GCNT1: variants seen among roughly 807,000 people sequenced by gnomAD.
GCNT1 encodes the protein glucosaminyl (N-acetyl) transferase 1.
A neutral mutation model predicts 26.2 loss-of-function variants in GCNT1; 16 were observed. The observed-to-expected ratio is 0.61, with a 90% CI of 0.41 to 0.93. GCNT1 has a LOEUF of 0.93. GCNT1 is among the 40% of genes least tolerant of loss of function. The pLI, the probability that GCNT1 is intolerant of heterozygous loss-of-function variation, is 0.00. For missense variants in GCNT1, 477 were observed against 526.7 expected (o/e 0.91, Z 0.92); for synonymous variants, 183 against 190.8 (o/e 0.96, Z 0.34).
intron 1 of GCNT1, among the ~76,000 whole-genome samples, chr9:76,443,239 G>A (rs571854186): frequency 1.8e-4 from 27 of 152,292 alleles, no homozygotes; most frequent in African/African-American, 6.5e-4. Context: ...AGTGGTGCTA[G>A]AGGAATTAAA....
intron 2 of GCNT1, among the ~76,000 whole-genome samples, chr9:76,463,513 T>TA (rs1258968987): frequency 3.9e-5 from 6 of 152,256 alleles, no homozygotes; most frequent in Admixed American, 6.5e-5. Context: ...AGTCTGCATG[T>TA]ATTTGGTCAT....
chr9:76,437,353 C>T (rs1401608624), upstream of GCNT1, among the ~76,000 whole-genome samples: 3 of 152,080 alleles, frequency 2.0e-5, no homozygotes, highest in African/African-American at 7.2e-5. Context: ...AAGAAGCCGG[C>T]CAAACCCCAC....
chr9:76,405,216 T>G, the GCNT1 span, among the ~76,000 whole-genome samples: 3,905 of 152,182 alleles, frequency 0.026, 157 homozygotes, highest in African/African-American at 0.088. Flanking sequence ...AGTAGACTTT[T>G]TTTAAAAAGC....
chr9:76,472,201 C>T (rs778772966), intron 2 of GCNT1, among the ~76,000 whole-genome samples: 2 of 152,082 alleles, frequency 1.3e-5, no homozygotes, highest in African/African-American at 2.4e-5. Flanking sequence ...CACTTGAACC[C>T]GAACCCGGGA....
chr9:76,418,479 T>G (rs980324662), upstream of GCNT1, among the ~76,000 whole-genome samples: 13 of 152,128 alleles, frequency 8.5e-5, no homozygotes, highest in Non-Finnish European at 1.8e-4. Flanking sequence ...GTGCCCTGGC[T>G]GAGAGGAGGG....
Position 76,504,383 on chromosome 9 carries a change from T to A in GCNT1, c.*715T>A, listed in dbSNP as rs568558862. On this transcript the variant is annotated 3_prime_UTR_variant, in exon 4 of 4. Coordinates refer to ENST00000376730, the MANE Select transcript of GCNT1 (RefSeq NM_001490.5). ...ATTAGCAAGGTTAAGACATCTTTTT[T>A]AAAAAAATTATAGCTTCTACCAAGA... The A allele has an allele frequency of 3.8e-5, 7 of 185,458 alleles. No homozygotes were observed. The highest frequency in any genetic ancestry group is 1.5e-4 in the East Asian group (1 of 6,580). 11.5% of individuals were successfully genotyped at this position (185,458 alleles called of 1,614,324 possible).
At chr9:76,451,099 C>T (rs1320903846) in intron 1 of GCNT1, among the ~76,000 whole-genome samples, 1 of 152,158 alleles carries the variant, frequency 6.6e-6, no homozygotes, top group Non-Finnish European at 1.5e-5. Context: ...TTTGCTTTCT[C>T]CATGCTTTGA....
At chr9:76,443,042 G>C (rs549495453) in intron 1 of GCNT1, among the ~76,000 whole-genome samples, 26 of 152,234 alleles carry the variant, frequency 1.7e-4, no homozygotes, top group Non-Finnish European at 3.4e-4. Context: ...ATGGAGATGG[G>C]TAAAAGGGAT....
Position 76,502,428 on chromosome 9 carries a change from A to G in GCNT1, c.47A>G (p.Lys16Arg). ...AGGAGACTTTTTTCTTATCCCACCA[A>G]ATACTACTTTATGGTTCTTGTTTTA... ...LRRRLFSYPT[K>R]YYFMVLVLSL... is the part of the protein sequence containing the mutation. Residue 16 changes from lysine to arginine, a missense_variant, in exon 4 of 4, where the codon AAA becomes AGA. Physicochemically the swap from Lys to Arg is conservative, Grantham distance 26. Coordinates refer to ENST00000376730, the MANE Select transcript of GCNT1 (RefSeq NM_001490.5). 5 of 1,613,568 alleles carry G rather than the reference A, an allele frequency of 3.1e-6. No individual in the cohort carries two copies. The highest frequency in any genetic ancestry group is 3.4e-6 in the Non-Finnish European group (4 of 1,179,658).
upstream of GCNT1, among the ~76,000 whole-genome samples, chr9:76,415,878 A>G (rs1041083740): frequency 5.3e-4 from 80 of 152,204 alleles, no homozygotes; most frequent in South Asian, 4.1e-4. Context: ...TCATTATTCA[A>G]TGTTTTTTTG....
rs117087140 is a variant in GCNT1 at position 76,478,365 on chromosome 9, C to T, written c.-290+18188C>T. On this transcript the variant is annotated intron_variant, in intron 2 of 3. Transcript: ENST00000376730. Reference sequence around the variant, plus strand: ...GGCATGCCATCTTTAAGAGCTGTAACGCTCACTGCGAAGGTCTGCGGCTTC... The same window carrying T: ...GGCATGCCATCTTTAAGAGCTGTAATGCTCACTGCGAAGGTCTGCGGCTTC... Among the ~76,000 whole-genome samples, 53 of 152,194 alleles carry T rather than the reference C, an allele frequency of 3.5e-4. 1 individual carries two copies. In the East Asian group the frequency reaches 6.0e-3, roughly 17 times the overall value.
Position 76,429,801 on chromosome 9 carries a change from G to A in GCNT1, n.38+9914G>A, listed in dbSNP as rs915657364. On this transcript the variant is annotated intron_variant and non_coding_transcript_variant, in intron 1 of 3. Coordinates refer to the GCNT1 transcript ENST00000488136. ...GCAATCTCGGCTCACTGCAAGCTCC[G>A]CCTCCCGGGTTCCTGCCATCCTCCT... Among the ~76,000 whole-genome samples, 8 of 145,234 alleles carry A rather than the reference G, an allele frequency of 5.5e-5. 1 individual carries two copies. The South Asian group carries it at 1.3e-3, about 24-fold the overall frequency.
At chr9:76,408,447 C>T in the GCNT1 span, among the ~76,000 whole-genome samples, 1 of 152,148 alleles carries the variant, frequency 6.6e-6, no homozygotes, top group African/African-American at 2.4e-5. Flanking sequence ...ACCAGGCTTA[C>T]ATACCTGGAA....
chr9:76,446,289 T>A (rs1340751956), intron 1 of GCNT1, among the ~76,000 whole-genome samples: 1 of 151,986 alleles, frequency 6.6e-6, no homozygotes, highest in Admixed American at 6.6e-5. Flanking sequence ...CCAGAACATA[T>A]AGAGGGTGTA....
intron 1 of GCNT1, among the ~76,000 whole-genome samples, chr9:76,442,795 G>C (rs1248286198): frequency 6.7e-6 from 1 of 149,718 alleles, no homozygotes; most frequent in Non-Finnish European, 1.5e-5. Context: ...TGAAGATAAA[G>C]TATTCATTCA....
chr9:76,490,525 T>G (rs1587449889), intron 2 of GCNT1, among the ~76,000 whole-genome samples: 1 of 152,212 alleles, frequency 6.6e-6, no homozygotes, highest in African/African-American at 2.4e-5. Flanking sequence ...TTCCACAAGA[T>G]TAGAAGTTAG....
Position 76,498,812 on chromosome 9 carries a change from C to T in GCNT1, c.-289-2104C>T, listed in dbSNP as rs926568559. ...AAAAGAAAAAAAGTGTATACACACA[C>T]ACTGTCAGCCTGTCAACACAGTTTT... is the stretch of plus-strand genomic sequence containing the variant. On this transcript the variant is annotated intron_variant, in intron 2 of 3. Coordinates refer to ENST00000376730, the MANE Select transcript of GCNT1 (RefSeq NM_001490.5). 2.0e-5 allele frequency among the ~76,000 whole-genome samples: 3 copies of T among 150,978 alleles called. No homozygotes were observed. The South Asian group carries it at 6.3e-4, about 32-fold the overall frequency.
intron 1 of GCNT1, among the ~76,000 whole-genome samples, chr9:76,446,820 C>G (rs1030967082): frequency 1.3e-5 from 2 of 152,112 alleles, no homozygotes; most frequent in African/African-American, 4.8e-5. Context: ...AGCATAGTGG[C>G]TTGGTGTTTA....
intron 1 of GCNT1, among the ~76,000 whole-genome samples, chr9:76,447,928 A>G (rs1823604480): frequency 1.3e-5 from 2 of 151,952 alleles, no homozygotes; most frequent in African/African-American, 2.4e-5. Context: ...ACTTCTATGC[A>G]CTCTTACCCT....
Sources: allele counts gnomAD v4.1 joint callset (sites outside exome capture counted in the v4.1 genomes callset), GRCh38; gene constraint gnomAD v4.1.1; transcripts MANE v1.5; gene names NCBI Gene and HGNC (gene_info 2026-07-23, HGNC 2026-07-21).